RC3H2: variants seen among roughly 807,000 people sequenced by gnomAD.
RC3H2 encodes the protein ring finger and CCCH-type domains 2.
A neutral mutation model predicts 133.3 loss-of-function variants in RC3H2; 31 were observed. That is an observed-to-expected ratio of 0.23 (90% CI 0.17 to 0.31). The LOEUF is 0.31. RC3H2 is among the 10% of genes least tolerant of loss of function. RC3H2 has a pLI of 1.00. For synonymous variants in RC3H2, 517 were observed against 502.2 expected (o/e 1.03, Z -0.40); for missense variants, 1,175 against 1,437.2 (o/e 0.82, Z 2.95).
intron 18 of RC3H2, 177 bp downstream of exon 18, chr9:122,853,775 T>TA (rs2131384098): frequency 6.9e-7 from 1 of 1,440,842 alleles, no homozygotes; most frequent in South Asian, 1.4e-5. Context: ...ATGATCTAGT[T>TA]AAAGAATTAT....
chr9:122,851,000 A>C (rs1009189610), intron 20 of RC3H2, 81 bp downstream of exon 20: 13 of 1,510,782 alleles, frequency 8.6e-6, no homozygotes, highest in Non-Finnish European at 1.2e-5. Context: ...TCACAGCATA[A>C]AGCCAAAAAT....
rs1273236436 is a variant in RC3H2 at position 122,876,635 on chromosome 9, A to AG, written c.1325+835_1325+836insC. On this transcript the variant is annotated intron_variant, in intron 9 of 20. Transcript: ENST00000357244. ...AGAGCAAGACTCCACCTCAAAAAAA[A>AG]AAAAAAAGTTGATACACTGGCCAGC... 2.0e-5 allele frequency among the ~76,000 whole-genome samples: 3 copies of AG among 152,124 alleles called. No individual in the cohort carries two copies. The East Asian group carries it at 5.8e-4, about 29-fold the overall frequency.
intron 9 of RC3H2, among the ~76,000 whole-genome samples, chr9:122,871,026 G>C (rs1831063736): frequency 6.6e-6 from 1 of 152,094 alleles, no homozygotes; most frequent in South Asian, 2.1e-4. Flanking sequence ...CCCTCCTACA[G>C]CTAGATGATA....
intron 10 of RC3H2, among the ~76,000 whole-genome samples, chr9:122,860,564 C>T (rs1019889025): frequency 6.6e-6 from 1 of 151,870 alleles, no homozygotes. Context: ...CAAGTGCATG[C>T]CACCACACTC....
At chr9:122,849,880 G>T (rs977560636) in intron 20 of RC3H2, 58 bp from the exon 21 acceptor site, 1 of 1,213,622 alleles carries the variant, frequency 8.2e-7, no homozygotes, top group Non-Finnish European at 1.1e-6. Context: ...ACTGTTAAGG[G>T]TGACTATACA....
At chr9:122,873,390 G>C (rs1377407899) in intron 9 of RC3H2, among the ~76,000 whole-genome samples, 1 of 152,094 alleles carries the variant, frequency 6.6e-6, no homozygotes, top group East Asian at 1.9e-4. Context: ...TATGTTATCA[G>C]GTGTTTTCTA....
At chr9:122,895,968 T>C (rs1254082015) in intron 2 of RC3H2, among the ~76,000 whole-genome samples, 1 of 152,078 alleles carries the variant, frequency 6.6e-6, no homozygotes, top group African/African-American at 2.4e-5. Context: ...CAAACATGAA[T>C]TCTATAGCAC....
At chr9:122,886,301 T>C (rs1046080735) in intron 4 of RC3H2, among the ~76,000 whole-genome samples, 4 of 152,364 alleles carry the variant, frequency 2.6e-5, no homozygotes, top group East Asian at 3.9e-4. Context: ...TATCCATTTA[T>C]CACTTGATGG....
chr9:122,889,879 C>T (rs1832084940), intron 4 of RC3H2, among the ~76,000 whole-genome samples: 1 of 152,146 alleles, frequency 6.6e-6, no homozygotes, highest in Non-Finnish European at 1.5e-5. Flanking sequence ...CAGTGGCTCA[C>T]GCCTGTAATC....
intron 3 of RC3H2, among the ~76,000 whole-genome samples, chr9:122,892,702 C>T (rs543766915): frequency 3.9e-5 from 6 of 152,236 alleles, no homozygotes; most frequent in African/African-American, 7.2e-5. Context: ...TGAGCCACCG[C>T]GCCCGGCTCT....
At chr9:122,856,039 AT>A (rs1402073265) in intron 13 of RC3H2, among the ~76,000 whole-genome samples, 161 bp from the exon 14 acceptor site, 1 of 152,226 alleles carries the variant, frequency 6.6e-6, no homozygotes, top group Admixed American at 6.5e-5. Context: ...AAGAAATGGT[AT>A]TTTTACAATA....
chr9:122,860,070 A>G lies in RC3H2; in HGVS notation c.1696T>C (p.Ser566Pro), dbSNP rs764950140. Residue 566 changes from serine to proline, a missense_variant, in exon 11 of 21, where the codon TCT (serine) becomes CCT (proline). By Grantham distance (74) the Ser-to-Pro change is moderately conservative. Coordinates refer to ENST00000357244, the MANE Select transcript of RC3H2 (RefSeq NM_001100588.3). ...GAATTCAGCTCTGTTCCAACATTAGAGGGCCCAGCTGAGGTAGCTGCTACA... is the reference window on the plus strand; with the variant it reads ...GAATTCAGCTCTGTTCCAACATTAGGGGGCCCAGCTGAGGTAGCTGCTACA... ...SNVAATSAGP[S>P]NVGTELNSVP... 1 of 1,614,158 alleles carries G rather than the reference A, an allele frequency of 6.2e-7. No homozygotes were observed. Among genetic ancestry groups the G allele is most frequent in the South Asian group, 1.1e-5 (1 of 91,086 alleles).
At position 122,881,734 on chromosome 9, in the gene RC3H2, G is replaced by A. The variant is rs111454655; in HGVS notation, c.760-940C>T. 4.1e-3 allele frequency among the ~76,000 whole-genome samples: 628 copies of A among 152,236 alleles called. 5 individuals are homozygous for A. Among genetic ancestry groups the A allele is most frequent in the African/African-American group, 0.014 (590 of 41,544 alleles). On this transcript the variant is annotated intron_variant, in intron 5 of 20. Transcript: ENST00000357244. ...GAGTGCAGTGGCACAATCTAGGCTC[G>A]CTGTAGCCTTGACTTTCTGGGCTCA...
At chr9:122,903,966 T>C (rs1357180778) in intron 1 of RC3H2, among the ~76,000 whole-genome samples, 6 of 152,226 alleles carry the variant, frequency 3.9e-5, no homozygotes, top group Non-Finnish European at 8.8e-5. Context: ...TTTGTATGTT[T>C]AACCATTAAA....
At position 122,855,202 on chromosome 9, in the gene RC3H2, T is replaced by C; in HGVS notation, c.2797A>G (p.Lys933Glu). 1.9e-6 allele frequency: 3 copies of C among 1,613,848 alleles called. No homozygotes were observed. The highest frequency in any genetic ancestry group is 2.5e-6 in the Non-Finnish European group (3 of 1,179,840). ...QATASQGSAT[K>E]PISVSDYVPY... ...GGATTACCTGATACACTGATGGGCT[T>C]AGTCGCACTTCCTTGGGAAGCAGTG... Residue 933 changes from lysine to glutamate, a missense_variant, in exon 15 of 21, where the codon AAG (lysine) becomes GAG (glutamate). Around this residue, in one of 8 missense-constraint regions of RC3H2, gnomAD observed 138 missense variants for 215.0 expected, o/e 0.64. Transcript: ENST00000357244.
chr9:122,877,350 G>A, intron 9 of RC3H2, 121 bp downstream of exon 9: 2 of 740,942 alleles, frequency 2.7e-6, no homozygotes, highest in Admixed American at 2.1e-5. Context: ...ACAGGCATGA[G>A]CTATGGTGCC....
chr9:122,883,479 T>G, intron 4 of RC3H2, 100 bp from the exon 5 acceptor site: 1 of 754,580 alleles, frequency 1.3e-6, no homozygotes, highest in Non-Finnish European at 2.0e-6. Flanking sequence ...TAGTGGCCCA[T>G]TACCCATAAT....
In RC3H2 at chr9:122,849,275, C is replaced by A. The variant is rs963795018; in HGVS notation, c.*352G>T. The A allele has an allele frequency of 3.3e-5, 5 of 152,026 alleles. No homozygotes were observed. Among genetic ancestry groups the A allele is most frequent in the African/African-American group, 1.2e-4 (5 of 41,392 alleles). 9.4% of individuals were successfully genotyped at this position (152,026 alleles called of 1,614,324 possible). On this transcript the variant is annotated 3_prime_UTR_variant, in exon 21 of 21. Transcript: ENST00000357244. Reference sequence around the variant, plus strand: ...TTGTAGGATCCTGCTAGTTTAATAACTGAGTTGTTAATTTTCTATAGAAGC... The same window carrying A: ...TTGTAGGATCCTGCTAGTTTAATAAATGAGTTGTTAATTTTCTATAGAAGC...
At chr9:122,871,261 C>T (rs1831074136) in intron 9 of RC3H2, among the ~76,000 whole-genome samples, 1 of 152,006 alleles carries the variant, frequency 6.6e-6, no homozygotes, top group Non-Finnish European at 1.5e-5. Context: ...CTTTTTTTCT[C>T]GTGGGCACCT....
Sources: gnomAD v4.1 joint callset for allele counts (sites outside exome capture counted in the v4.1 genomes callset) on GRCh38, gnomAD v4.1.1 for gene constraint, gnomAD v4.1.1 regional missense constraint, MANE v1.5 for transcripts, NCBI Gene and HGNC (gene_info 2026-07-23, HGNC 2026-07-21) for gene names.